The following EIF4G3 variants were observed in gnomAD, a reference collection of about 807,000 sequenced individuals.
EIF4G3 encodes the protein eukaryotic translation initiation factor 4 gamma 3, also known as eIF-4-gamma 3.
Under a neutral mutation model 186.4 loss-of-function variants are expected in EIF4G3, and 34 were observed. The ratio of observed to expected loss-of-function variants is 0.18; its 90% CI spans 0.14 to 0.24. EIF4G3 has a LOEUF of 0.24. Among genes scored for constraint, EIF4G3 ranks in the 10% least tolerant of loss-of-function variants. The probability of loss-of-function intolerance (pLI) is 1.00; values close to 1 mark genes in which losing one functional copy is unlikely to be tolerated. For missense variants in EIF4G3, 1,536 were observed against 1,948.5 expected, an observed-to-expected ratio of 0.79 and a Z score of 3.99; for synonymous variants, 673 against 679.5, an observed-to-expected ratio of 0.99 and a Z score of 0.15.
chr1:20,908,735 G>C (rs1330007989), intron 14 of EIF4G3, among the ~76,000 whole-genome samples: 1 of 152,134 alleles, frequency 6.6e-6, no homozygotes, highest in East Asian at 1.9e-4. Flanking sequence ...TACAACCTAA[G>C]AGATAAACAC....
intron 2 of EIF4G3, among the ~76,000 whole-genome samples, chr1:21,107,732 G>A (rs968150616): frequency 6.6e-6 from 1 of 152,172 alleles, no homozygotes; most frequent in African/African-American, 2.4e-5. Context: ...AGGCTGGAGT[G>A]AAGTGGTACA....
chr1:20,928,836 A>G (rs1392181817), intron 14 of EIF4G3, among the ~76,000 whole-genome samples: 1 of 152,174 alleles, frequency 6.6e-6, no homozygotes, highest in East Asian at 1.9e-4. Context: ...TAACTTTAGA[A>G]TATTTTCATC....
chr1:20,941,403 T>C, intron 14 of EIF4G3, 88 bp downstream of exon 14: 3 of 1,610,738 alleles, frequency 1.9e-6, no homozygotes, highest in Non-Finnish European at 2.5e-6. Context: ...TTTCTGGAAG[T>C]CAAGGAAAGT....
intron 4 of EIF4G3, among the ~76,000 whole-genome samples, chr1:21,023,422 C>A (rs1280594193): frequency 6.6e-6 from 1 of 151,880 alleles, no homozygotes; most frequent in Non-Finnish European, 1.5e-5. Flanking sequence ...GCACGCGCCG[C>A]CATGCCTGAC....
At chr1:20,813,908 C>T (rs931647736) in intron 34 of EIF4G3, among the ~76,000 whole-genome samples, 1 of 147,574 alleles carries the variant, frequency 6.8e-6, no homozygotes, top group Non-Finnish European at 1.5e-5. Flanking sequence ...ATCTCTTGAA[C>T]ATCAGGACTG....
chr1:20,981,744 A>G (rs942455256), intron 8 of EIF4G3, among the ~76,000 whole-genome samples: 2 of 144,932 alleles, frequency 1.4e-5, no homozygotes, highest in African/African-American at 5.0e-5. Flanking sequence ...CTGTATATAC[A>G]CATACATATA....
chr1:21,132,831 G>A (rs1187504492), intron 2 of EIF4G3, among the ~76,000 whole-genome samples: 1 of 152,086 alleles, frequency 6.6e-6, no homozygotes, highest in Non-Finnish European at 1.5e-5. Context: ...CACCCAGTCT[G>A]GAGTACAGTG....
At chr1:20,882,310 G>A (rs1302612848) in intron 19 of EIF4G3, among the ~76,000 whole-genome samples, 1 of 151,596 alleles carries the variant, frequency 6.6e-6, no homozygotes, top group Non-Finnish European at 1.5e-5. Flanking sequence ...CAGGAGTTTG[G>A]GCAACACTGC....
intron 14 of EIF4G3, among the ~76,000 whole-genome samples, chr1:20,915,453 C>G (rs1345615850): frequency 6.6e-6 from 1 of 151,002 alleles, no homozygotes; most frequent in African/African-American, 2.4e-5. Context: ...AAATACAAAC[C>G]CTCCGCCCCC....
intron 13 of EIF4G3, 125 bp from the exon 14 acceptor site, chr1:20,942,455 C>A: frequency 3.4e-6 from 3 of 891,300 alleles, no homozygotes; most frequent in Non-Finnish European, 4.8e-6. Context: ...ATATATTAGA[C>A]TTATTCTGGT....
chr1:21,120,255 A>G (rs2096902965), intron 2 of EIF4G3, among the ~76,000 whole-genome samples: 1 of 151,646 alleles, frequency 6.6e-6, no homozygotes, highest in Non-Finnish European at 1.5e-5. Flanking sequence ...TTTCCTCTCA[A>G]TTACACATCA....
At chr1:20,871,773 T>G (rs565571520) in intron 20 of EIF4G3, among the ~76,000 whole-genome samples, 1 of 152,172 alleles carries the variant, frequency 6.6e-6, no homozygotes, top group Non-Finnish European at 1.5e-5. Flanking sequence ...CACTGGCCCG[T>G]GGACATGTCA....
chr1:21,060,945 A>T (rs960248600), intron 3 of EIF4G3, among the ~76,000 whole-genome samples: 3 of 152,320 alleles, frequency 2.0e-5, no homozygotes, highest in Middle Eastern at 3.4e-3. Context: ...ATTTATTGAG[A>T]ACTTTATACC....
At position 21,133,073 on chromosome 1, in the gene EIF4G3, C is replaced by A. The variant is rs375288093; in HGVS notation, c.-272+43102G>T. Among the ~76,000 whole-genome samples, 43 of 152,318 alleles carry A rather than the reference C, an allele frequency of 2.8e-4. 3 individuals carry two copies. The highest frequency in any genetic ancestry group is 8.2e-4 in the African/African-American group (34 of 41,580). ...TGCTGGGATTATAGGTGTGAGCAATCATGCCCGGCCCCAAATTTTTCATTA... is the reference window on the plus strand; with the variant it reads ...TGCTGGGATTATAGGTGTGAGCAATAATGCCCGGCCCCAAATTTTTCATTA... On this transcript the variant is annotated intron_variant, in intron 2 of 36. Coordinates refer to ENST00000602326, the MANE Select transcript of EIF4G3 (RefSeq NM_001391906.1).
intron 4 of EIF4G3, among the ~76,000 whole-genome samples, chr1:21,016,614 G>C (rs752823974): frequency 6.6e-6 from 1 of 151,894 alleles, no homozygotes; most frequent in Non-Finnish European, 1.5e-5. Flanking sequence ...AGCCATGATC[G>C]CGTCACTGCA....
At chr1:20,997,518 A>T in intron 7 of EIF4G3, 83 bp downstream of exon 7, 3 of 1,290,490 alleles carry the variant, frequency 2.3e-6, no homozygotes, top group Non-Finnish European at 3.3e-6. Context: ...GTTCTATGGG[A>T]TGGCAGCATT....
chr1:20,948,970 C>CAAAAAA (rs34585901), intron 13 of EIF4G3, among the ~76,000 whole-genome samples: 2 of 51,520 alleles, frequency 3.9e-5, no homozygotes, highest in African/African-American at 7.1e-5. Context: ...GACTCTGTCT[C>CAAAAAA]AAAAAAAAAA....
chr1:21,088,224 G>A (rs888786365), intron 3 of EIF4G3, among the ~76,000 whole-genome samples: 10 of 151,906 alleles, frequency 6.6e-5, no homozygotes, highest in Non-Finnish European at 1.0e-4. Flanking sequence ...TCAGGAGTTC[G>A]AGACCAACCA....
chr1:21,072,547 GT>G (rs1266951525), intron 3 of EIF4G3, among the ~76,000 whole-genome samples: 2 of 152,060 alleles, frequency 1.3e-5, no homozygotes, highest in Non-Finnish European at 2.9e-5. Flanking sequence ...GGGACTACAG[GT>G]ACCTGCCACC....
Sources: gnomAD v4.1 joint callset for allele counts (sites outside exome capture counted in the v4.1 genomes callset) on GRCh38, gnomAD v4.1.1 for gene constraint, MANE v1.5 for transcripts, NCBI Gene and HGNC (gene_info 2026-07-23, HGNC 2026-07-21) for gene names.